Variants in EZH2 observed in about 807,000 individuals in gnomAD.
EZH2 encodes the protein histone-lysine N-methyltransferase EZH2.
In EZH2, 18 loss-of-function variants were observed where a neutral mutation model predicts 98.4. The ratio of observed to expected loss-of-function variants is 0.18; its 90% CI spans 0.13 to 0.27. EZH2 has a LOEUF of 0.27. EZH2 is among the 10% of genes least tolerant of loss of function. EZH2 has a pLI of 1.00. For synonymous variants in EZH2, 338 were observed against 312.3 expected (o/e 1.08, Z -0.87); for missense variants, 470 against 935.1 (o/e 0.50, Z 6.49).
rs752077109 is a variant in EZH2, at chr7:148,829,865, T to C, written c.364-17A>G. On this transcript the variant is annotated splice_polypyrimidine_tract_variant and intron_variant, in intron 4 of 19. Coordinates refer to ENST00000320356, the MANE Select transcript of EZH2 (RefSeq NM_004456.5). Reference sequence around the variant, plus strand: ...ATCTTCCACCTAAAAGAAAAAAATATATTTAAAAAGCAGGTTTACTCTAAG... The same window carrying C: ...ATCTTCCACCTAAAAGAAAAAAATACATTTAAAAAGCAGGTTTACTCTAAG... The C allele has an allele frequency of 3.2e-5, 49 of 1,529,182 alleles. No homozygotes were observed. Among genetic ancestry groups the C allele is most frequent in the Non-Finnish European group, 4.0e-5 (45 of 1,129,024 alleles). 94.7% of individuals were successfully genotyped at this position (1,529,182 alleles called of 1,614,324 possible).
chr7:148,819,909 T>A (rs1044040283), intron 8 of EZH2, among the ~76,000 whole-genome samples: 23 of 152,238 alleles, frequency 1.5e-4, no homozygotes, highest in African/African-American at 5.5e-4. Context: ...CAGTAAATTC[T>A]GGAATGAGTC....
At chr7:148,853,051 C>G in intron 1 of EZH2, among the ~76,000 whole-genome samples, 1 of 152,084 alleles carries the variant, frequency 6.6e-6, no homozygotes, top group East Asian at 1.9e-4. Flanking sequence ...GACAGTTTTT[C>G]CACAAAGAGG....
At chr7:148,843,069 G>A (rs775590616) in intron 3 of EZH2, among the ~76,000 whole-genome samples, 26 of 152,122 alleles carry the variant, frequency 1.7e-4, no homozygotes, top group East Asian at 1.2e-3. Context: ...CTAGCCGGGC[G>A]TGGTGGCATA....
At chr7:148,871,800 C>A (rs181457543) in intron 1 of EZH2, among the ~76,000 whole-genome samples, 11 of 152,218 alleles carry the variant, frequency 7.2e-5, no homozygotes, top group Admixed American at 1.3e-4. Flanking sequence ...GTCTCGAACT[C>A]CTGGCCTCAA....
intron 3 of EZH2, chr7:148,837,073 A>G: frequency 2.3e-6 from 1 of 437,198 alleles, no homozygotes; most frequent in Non-Finnish European, 4.5e-6. Context: ...TACCAAAGTT[A>G]GCTTCTTTAA....
intron 1 of EZH2, among the ~76,000 whole-genome samples, chr7:148,879,705 AAAT>A (rs985166526): frequency 9.9e-5 from 15 of 151,956 alleles, no homozygotes; most frequent in African/African-American, 3.6e-4. Context: ...AATAAATAAT[AAAT>A]AATAAATAAA....
intron 1 of EZH2, chr7:148,876,331 T>C (rs1458665897): frequency 6.6e-6 from 1 of 151,098 alleles, no homozygotes; most frequent in Non-Finnish European, 1.5e-5. Context: ...TAAAAGAGGA[T>C]GAAAGGACTC....
At chr7:148,874,952 C>A (rs927012078) in intron 1 of EZH2, among the ~76,000 whole-genome samples, 1 of 151,652 alleles carries the variant, frequency 6.6e-6, no homozygotes, top group Non-Finnish European at 1.5e-5. Context: ...CTAAGTTTGG[C>A]AATCATCATT....
At chr7:148,860,754 C>T (rs1259978304) in intron 1 of EZH2, among the ~76,000 whole-genome samples, 1 of 152,218 alleles carries the variant, frequency 6.6e-6, no homozygotes, top group Non-Finnish European at 1.5e-5. Flanking sequence ...TCACTACAGC[C>T]TCGCCCTCCT....
chr7:148,808,439 C>T (rs1252274146), intron 19 of EZH2, among the ~76,000 whole-genome samples: 3 of 151,614 alleles, frequency 2.0e-5, no homozygotes, highest in African/African-American at 4.9e-5. Context: ...ATTAACTAGA[C>T]AGTCATCTGA....
In EZH2 at chr7:148,866,538, G is replaced by A. The variant is rs1038381048; in HGVS notation, c.-8+17626C>T. Reference sequence around the variant, plus strand: ...TATATGTGTATATACATATATATACGTATATACATATATATACATATATAC... The same window carrying A: ...TATATGTGTATATACATATATATACATATATACATATATATACATATATAC... On this transcript the variant is annotated intron_variant, in intron 1 of 19. Transcript: ENST00000320356. Among the ~76,000 whole-genome samples, 7 of 101,276 alleles carry A rather than the reference G, an allele frequency of 6.9e-5. No homozygotes were observed. In the South Asian group the frequency reaches 9.8e-4, roughly 14 times the overall value. The allele number at this position is 101,276 out of a possible 152,430, so 66.4% of individuals were successfully genotyped here.
At chr7:148,834,352 T>TATATATACACACACACACAC (rs1321608007) in intron 3 of EZH2, among the ~76,000 whole-genome samples, 1 of 143,318 alleles carries the variant, frequency 7.0e-6, no homozygotes, top group African/African-American at 2.6e-5. Context: ...TATATATATA[T>TATATATACACACACACACAC]ACACACACAC....
chr7:148,881,933 C>CAA (rs11412628), intron 1 of EZH2, among the ~76,000 whole-genome samples: 75 of 122,116 alleles, frequency 6.1e-4, no homozygotes, highest in African/African-American at 1.3e-3. Context: ...GGCTCTGTCT[C>CAA]AAAAAAAAAA....
intron 3 of EZH2, among the ~76,000 whole-genome samples, chr7:148,837,615 G>A (rs551662983): frequency 6.6e-6 from 1 of 152,242 alleles, no homozygotes; most frequent in Admixed American, 6.5e-5. Flanking sequence ...TAGCAAATTT[G>A]GATAAAGTAA....
At chr7:148,867,465 C>A (rs1818716024) in intron 1 of EZH2, among the ~76,000 whole-genome samples, 1 of 152,144 alleles carries the variant, frequency 6.6e-6, no homozygotes, top group African/African-American at 2.4e-5. Context: ...ATCAAAAGCC[C>A]AGAGAAACTG....
At chr7:148,858,117 C>G (rs1057074556) in intron 1 of EZH2, among the ~76,000 whole-genome samples, 3 of 151,786 alleles carry the variant, frequency 2.0e-5, no homozygotes, top group Non-Finnish European at 2.9e-5. Context: ...AAGGTGAAAC[C>G]CCATCTCTAC....
chr7:148,866,671 T>G, intron 1 of EZH2, among the ~76,000 whole-genome samples: 1 of 147,026 alleles, frequency 6.8e-6, no homozygotes, highest in East Asian at 2.0e-4. Context: ...TATGCATATA[T>G]ATGTACGTAT....
intron 1 of EZH2, among the ~76,000 whole-genome samples, chr7:148,858,301 A>C (rs1005562371): frequency 1.3e-5 from 2 of 151,438 alleles, no homozygotes; most frequent in Admixed American, 1.3e-4. Flanking sequence ...CAAAAAAAAA[A>C]CAGGTAGTAA....
At position 148,826,536 on chromosome 7, in the gene EZH2, C is replaced by T; in HGVS notation, c.825G>A (p.Glu275=). ...DGPNAKSVQR[E]QSLHSFHTLF... is the part of the protein sequence containing the mutation. ...GCGTATGAAAGGAGTGTAAGCTTTGCTCTCTCTGAACAGATTTAGCATTTG... is the reference window on the plus strand; with the variant it reads ...GCGTATGAAAGGAGTGTAAGCTTTGTTCTCTCTGAACAGATTTAGCATTTG... Residue 275 remains glutamate, a synonymous_variant, in exon 8 of 20, where the codon GAG becomes GAA. Transcript: ENST00000320356. 1 of 1,606,184 alleles carries T rather than the reference C, an allele frequency of 6.2e-7. No homozygotes were observed. The highest frequency in any genetic ancestry group is 8.5e-7 in the Non-Finnish European group (1 of 1,175,006).
Sources: gnomAD v4.1 joint callset for allele counts (sites outside exome capture counted in the v4.1 genomes callset) on GRCh38, gnomAD v4.1.1 for gene constraint, MANE v1.5 for transcripts, NCBI Gene and HGNC (gene_info 2026-07-23, HGNC 2026-07-21) for gene names.